Variants in THSD4 observed in about 807,000 individuals in gnomAD.
The protein encoded by THSD4 is thrombospondin type 1 domain containing 4.
A neutral mutation model predicts 119.0 loss-of-function variants in THSD4; 69 were observed. The ratio of observed to expected loss-of-function variants is 0.58; its 90% CI spans 0.48 to 0.71. THSD4 has a LOEUF of 0.71. THSD4 is among the 30% of genes least tolerant of loss of function. THSD4 has a pLI of 0.00. For missense variants in THSD4, 1,393 were observed against 1,391.1 expected (o/e 1.00, Z -0.02); for synonymous variants, 524 against 540.4 (o/e 0.97, Z 0.42).
intron 14 of THSD4, among the ~76,000 whole-genome samples, chr15:71,751,696 C>T (rs2053451229): frequency 6.6e-6 from 1 of 151,730 alleles, no homozygotes; most frequent in African/African-American, 2.4e-5. Flanking sequence ...GAGACCAGGT[C>T]TTGCTCTGTT....
chr15:71,723,619 A>G (rs1036935370), intron 8 of THSD4, among the ~76,000 whole-genome samples: 1 of 152,254 alleles, frequency 6.6e-6, no homozygotes, highest in Non-Finnish European at 1.5e-5. Flanking sequence ...ACAAACATTG[A>G]TCAAATAATT....
At position 71,215,244 on chromosome 15, in the gene THSD4, C is replaced by T. The variant is rs762410141; in HGVS notation, c.309C>T (p.His103=). Residue 103 remains histidine, a synonymous_variant, in exon 4 of 18, where the codon CAC becomes CAT. Coordinates refer to ENST00000261862, the MANE Select transcript of THSD4 (RefSeq NM_024817.3). ...PGAPARAFAD[H]VVSAVRTSVP... ...CCCCTGCGCGCGCCTTCGCGGACCA[C>T]GTGGTGTCGGCGGTGCGCACGTCGG... 8.2e-6 allele frequency: 12 copies of T among 1,468,678 alleles called. No individual in the cohort carries two copies. The highest frequency in any genetic ancestry group is 1.1e-5 in the Non-Finnish European group (12 of 1,116,758). 91.0% of individuals were successfully genotyped at this position (1,468,678 alleles called of 1,614,324 possible).
rs1470191178 is a variant in THSD4, at chr15:71,758,011, C to T, written c.2525C>T (p.Ala842Val). The stretch of plus-strand genomic sequence containing the variant: ...TGTGGGAACAACCGGCCGGCAGAGG[C>T]CACCCCATGTGACAACGGACCCTGC... ...EGCGNNRPAE[A>V]TPCDNGPCTG... Residue 842 changes from alanine (A) to valine (V), a missense_variant, in exon 15 of 18, where the codon GCC becomes GTC. Ala to Val is a moderately conservative substitution (Grantham distance 64). Transcript: ENST00000261862. 6.2e-7 allele frequency: 1 copy of T among 1,613,318 alleles called. No homozygotes were observed. The highest frequency in any genetic ancestry group is 1.3e-5 in the African/African-American group (1 of 74,916).
intron 7 of THSD4, among the ~76,000 whole-genome samples, chr15:71,524,786 T>G (rs7496651): frequency 2.0e-5 from 2 of 98,470 alleles, no homozygotes; most frequent in Non-Finnish European, 4.3e-5. Context: ...TTTTTTTTTG[T>G]ATTTTTTAGT....
intron 7 of THSD4, among the ~76,000 whole-genome samples, chr15:71,490,060 TA>T (rs1275579081): frequency 4.6e-5 from 7 of 152,176 alleles, no homozygotes; most frequent in African/African-American, 1.7e-4. Flanking sequence ...CCCATTTCAC[TA>T]AAAAAGTTGT....
chr15:71,313,789 C>T (rs562261674), intron 6 of THSD4, among the ~76,000 whole-genome samples: 8 of 152,140 alleles, frequency 5.3e-5, no homozygotes, highest in Non-Finnish European at 8.8e-5. Context: ...CCTCCATCTC[C>T]GCAGGTTTGT....
chr15:71,610,124 G>C (rs1434840345), intron 7 of THSD4, among the ~76,000 whole-genome samples: 1 of 152,194 alleles, frequency 6.6e-6, no homozygotes, highest in African/African-American at 2.4e-5. Context: ...TTCAAGAAGA[G>C]CACATTGGTG....
At chr15:71,587,353 G>A (rs1014825748) in intron 7 of THSD4, among the ~76,000 whole-genome samples, 17 of 120,824 alleles carry the variant, frequency 1.4e-4, no homozygotes, top group Non-Finnish European at 3.0e-4. Context: ...ATTCACAATA[G>A]CAAAGACTTG....
intron 6 of THSD4, among the ~76,000 whole-genome samples, chr15:71,339,551 G>A (rs577170402): frequency 6.6e-6 from 1 of 152,090 alleles, no homozygotes; most frequent in African/African-American, 2.4e-5. Flanking sequence ...CAGGTATGGG[G>A]TGTAGTGTTT....
intron 7 of THSD4, among the ~76,000 whole-genome samples, chr15:71,521,842 T>C (rs1424601000): frequency 6.6e-6 from 1 of 152,236 alleles, no homozygotes; most frequent in East Asian, 1.9e-4. Flanking sequence ...CTACTGCGTT[T>C]CAGACTCCAG....
chr15:71,518,256 A>G (rs1036922516), intron 7 of THSD4, among the ~76,000 whole-genome samples: 1 of 151,656 alleles, frequency 6.6e-6, no homozygotes, highest in Non-Finnish European at 1.5e-5. Context: ...TGGAAAATTT[A>G]ATTCCTCTTG....
chr15:71,247,211 T>G (rs113362063), intron 5 of THSD4, among the ~76,000 whole-genome samples: 1 of 151,360 alleles, frequency 6.6e-6, no homozygotes, highest in Non-Finnish European at 1.5e-5. Context: ...GTTTTTTTGT[T>G]TGTTTATTTT....
At chr15:71,241,183 C>T (rs1025026499) in intron 4 of THSD4, among the ~76,000 whole-genome samples, 10 of 152,154 alleles carry the variant, frequency 6.6e-5, no homozygotes, top group South Asian at 2.1e-4. Flanking sequence ...TCCAATTTTA[C>T]GTAAATGTAG....
At chr15:71,395,545 C>A (rs1015873003) in intron 6 of THSD4, among the ~76,000 whole-genome samples, 15 of 152,096 alleles carry the variant, frequency 9.9e-5, no homozygotes, top group African/African-American at 1.4e-4. Flanking sequence ...AGTTCGAGAC[C>A]AGCCTGGGCA....
At chr15:71,358,292 A>G (rs562652473) in intron 6 of THSD4, among the ~76,000 whole-genome samples, 1 of 152,128 alleles carries the variant, frequency 6.6e-6, no homozygotes, top group Non-Finnish European at 1.5e-5. Context: ...GAGAGTTCCT[A>G]TGTCAGGGTT....
intron 4 of THSD4, among the ~76,000 whole-genome samples, chr15:71,240,037 C>G (rs1361564105): frequency 6.6e-6 from 1 of 152,210 alleles, no homozygotes; most frequent in African/African-American, 2.4e-5. Flanking sequence ...CGTCACCTTT[C>G]CAATGCTGTT....
intron 2 of THSD4, among the ~76,000 whole-genome samples, chr15:71,145,770 C>T (rs1244566356): frequency 6.6e-6 from 1 of 151,704 alleles, no homozygotes; most frequent in Non-Finnish European, 1.5e-5. Context: ...TGTGTGGGGT[C>T]ATGGAGTCGA....
Position 71,684,764 on chromosome 15 carries a change from G to A in THSD4, c.1357+24030G>A, listed in dbSNP as rs574846134. Among the ~76,000 whole-genome samples, 67 of 151,998 alleles carry A rather than the reference G, an allele frequency of 4.4e-4. No homozygotes were observed. In the South Asian group the frequency reaches 0.013, roughly 30 times the overall value. On this transcript the variant is annotated intron_variant, in intron 8 of 17. Transcript: ENST00000261862. The stretch of plus-strand genomic sequence containing the variant: ...TTTGTGCTACCTCTCTGAGGTGGAG[G>A]TTAGGTTAGTGTTCCAATTTTTATG...
At chr15:71,257,010 G>A (rs2044325446) in intron 6 of THSD4, among the ~76,000 whole-genome samples, 1 of 152,170 alleles carries the variant, frequency 6.6e-6, no homozygotes, top group African/African-American at 2.4e-5. Flanking sequence ...GGAATCAGTT[G>A]GAGAAGAGGT....
Sources: gnomAD v4.1 joint callset for allele counts (sites outside exome capture counted in the v4.1 genomes callset) on GRCh38, gnomAD v4.1.1 for gene constraint, MANE v1.5 for transcripts, NCBI Gene and HGNC (gene_info 2026-07-23, HGNC 2026-07-21) for gene names.